FSTL5: variants seen among roughly 807,000 people sequenced by gnomAD.
FSTL5 encodes follistatin-related protein 5.
FSTL5 carries 62 observed loss-of-function variants against 89.1 expected under a neutral mutation model. That is an observed-to-expected ratio of 0.70 (90% CI 0.57 to 0.86). The LOEUF (loss-of-function observed/expected upper bound fraction) is 0.86, where lower values mean the gene tolerates loss of function less well. FSTL5 is among the 40% of genes least tolerant of loss of function. The pLI, the probability that FSTL5 is intolerant of heterozygous loss-of-function variation, is 0.00. For synonymous variants in FSTL5, 383 were observed against 346.2 expected (o/e 1.11, Z -1.18); for missense variants, 1,057 against 1,001.6 (o/e 1.06, Z -0.75).
intron 2 of FSTL5, among the ~76,000 whole-genome samples, chr4:162,056,807 A>G (rs1387789163): frequency 1.3e-5 from 2 of 152,270 alleles, no homozygotes; most frequent in East Asian, 3.9e-4. Flanking sequence ...TTTCTATTGG[A>G]TTCACAAAGC....
chr4:162,113,966 T>C (rs1190290339), intron 1 of FSTL5, among the ~76,000 whole-genome samples: 1 of 152,216 alleles, frequency 6.6e-6, no homozygotes, highest in Non-Finnish European at 1.5e-5. Context: ...TGTTTGCTTT[T>C]ATTTTTGTTT....
At chr4:161,490,125 C>T (rs1729813875) in intron 12 of FSTL5, among the ~76,000 whole-genome samples, 1 of 151,968 alleles carries the variant, frequency 6.6e-6, no homozygotes, top group Non-Finnish European at 1.5e-5. Context: ...CACTCTGATC[C>T]TCTGAATTTC....
At chr4:161,415,750 C>T (rs569492598) in intron 15 of FSTL5, among the ~76,000 whole-genome samples, 1 of 139,850 alleles carries the variant, frequency 7.2e-6, no homozygotes, top group African/African-American at 2.6e-5. Flanking sequence ...GATATATATA[C>T]ACATATATAT....
At chr4:161,828,412 G>A (rs184429667) in intron 4 of FSTL5, among the ~76,000 whole-genome samples, 54 of 152,250 alleles carry the variant, frequency 3.5e-4, no homozygotes, top group African/African-American at 1.3e-3. Context: ...AAAAGTTCTA[G>A]ATGTATGTGT....
intron 8 of FSTL5, among the ~76,000 whole-genome samples, chr4:161,574,330 T>A (rs1281031051): frequency 1.3e-5 from 2 of 150,362 alleles, no homozygotes; most frequent in African/African-American, 4.9e-5. Context: ...GACTTTCCTT[T>A]TTCTTTTTTT....
intron 2 of FSTL5, among the ~76,000 whole-genome samples, chr4:162,108,592 T>A (rs1380312018): frequency 6.6e-6 from 1 of 151,984 alleles, no homozygotes; most frequent in East Asian, 1.9e-4. Flanking sequence ...TTATTTGTCT[T>A]AAAATACAAA....
intron 2 of FSTL5, among the ~76,000 whole-genome samples, chr4:162,072,497 T>G (rs978177642): frequency 1.3e-5 from 2 of 151,856 alleles, no homozygotes; most frequent in Non-Finnish European, 2.9e-5. Flanking sequence ...ACTACTTTAA[T>G]GAATACATAT....
At position 161,656,381 on chromosome 4, in the gene FSTL5, T is replaced by A. The variant is rs755335982; in HGVS notation, c.841A>T (p.Ile281Phe). 3.7e-6 allele frequency: 6 copies of A among 1,606,430 alleles called. No homozygotes were observed. Among genetic ancestry groups the A allele is most frequent in the Non-Finnish European group, 3.4e-6 (4 of 1,173,860 alleles). ...AGAATAATATTGTTCCTTTTCCAGA[T>A]AATGGGAGGTCTCAGGGTTCCTTGA... is the stretch of plus-strand genomic sequence containing the variant. ...AIQGTLRPPI[I>F]WKRNNIILNN... Residue 281 changes from isoleucine (I) to phenylalanine (F), a missense_variant, in exon 7 of 16, where the codon ATC (isoleucine) becomes TTC (phenylalanine). Coordinates refer to ENST00000306100, the MANE Select transcript of FSTL5 (RefSeq NM_020116.5).
At chr4:162,116,682 G>A (rs1461514221) in intron 1 of FSTL5, among the ~76,000 whole-genome samples, 4 of 152,182 alleles carry the variant, frequency 2.6e-5, no homozygotes, top group Admixed American at 6.5e-5. Context: ...CTGGTATCCT[G>A]TAGGACCGCT....
intron 3 of FSTL5, among the ~76,000 whole-genome samples, chr4:161,952,154 C>A (rs1360978970): frequency 6.6e-6 from 1 of 151,992 alleles, no homozygotes; most frequent in Non-Finnish European, 1.5e-5. Context: ...ATGGATCTTT[C>A]TTTAAAATGT....
intron 2 of FSTL5, among the ~76,000 whole-genome samples, chr4:162,052,421 T>C (rs1226274964): frequency 6.6e-6 from 1 of 151,708 alleles, no homozygotes; most frequent in Admixed American, 6.6e-5. Context: ...AGAAAATAAA[T>C]GGTTTCTATA....
At chr4:161,539,974 A>G (rs1431188980) in intron 9 of FSTL5, among the ~76,000 whole-genome samples, 1 of 151,628 alleles carries the variant, frequency 6.6e-6, no homozygotes, top group Non-Finnish European at 1.5e-5. Context: ...TGAAATACCA[A>G]ATAAATTTCT....
At chr4:161,580,965 G>C (rs1054167077) in intron 8 of FSTL5, among the ~76,000 whole-genome samples, 1 of 152,104 alleles carries the variant, frequency 6.6e-6, no homozygotes, top group East Asian at 1.9e-4. Flanking sequence ...AATACTGTCT[G>C]CTGTGGGGCC....
chr4:162,100,813 T>G (rs936833335), intron 2 of FSTL5, among the ~76,000 whole-genome samples: 7 of 152,120 alleles, frequency 4.6e-5, no homozygotes, highest in Non-Finnish European at 8.8e-5. Context: ...GCTGTGAACC[T>G]AAAATTCTCT....
At chr4:161,909,970 A>T (rs902510152) in intron 4 of FSTL5, among the ~76,000 whole-genome samples, 1 of 152,162 alleles carries the variant, frequency 6.6e-6, no homozygotes, top group East Asian at 1.9e-4. Flanking sequence ...AATGGGAATA[A>T]TTTTTTTAGA....
At chr4:161,983,507 C>T (rs1047887019) in intron 3 of FSTL5, among the ~76,000 whole-genome samples, 3 of 152,126 alleles carry the variant, frequency 2.0e-5, no homozygotes, top group Non-Finnish European at 4.4e-5. Context: ...ATAAGAGTTA[C>T]TTTGAAGTAT....
chr4:162,037,657 T>A (rs1737794077), intron 2 of FSTL5, among the ~76,000 whole-genome samples: 1 of 151,888 alleles, frequency 6.6e-6, no homozygotes, highest in Admixed American at 6.6e-5. Context: ...TCTGTCTAAA[T>A]ATTCTATAAA....
intron 15 of FSTL5, among the ~76,000 whole-genome samples, chr4:161,427,565 C>G (rs1732207886): frequency 6.6e-6 from 1 of 152,194 alleles, no homozygotes; most frequent in Admixed American, 6.5e-5. Context: ...AACTCAGGGT[C>G]AGACCAGCAC....
chr4:161,790,647 G>T (rs942402349), intron 4 of FSTL5, among the ~76,000 whole-genome samples: 1 of 152,148 alleles, frequency 6.6e-6, no homozygotes, highest in Non-Finnish European at 1.5e-5. Context: ...AAAGAGGTCA[G>T]CTAATAACAT....
Sources: allele counts gnomAD v4.1 joint callset (sites outside exome capture counted in the v4.1 genomes callset), GRCh38; gene constraint gnomAD v4.1.1; transcripts MANE v1.5; gene names NCBI Gene and HGNC (gene_info 2026-07-23, HGNC 2026-07-21).